Variants in RAP1GAP2 observed in about 807,000 individuals in gnomAD.
The protein encoded by RAP1GAP2 is RAP1 GTPase activating protein 2.
In RAP1GAP2, 27 loss-of-function variants were observed where a neutral mutation model predicts 95.0. That is an observed-to-expected ratio of 0.28 (90% CI 0.21 to 0.39). The LOEUF (loss-of-function observed/expected upper bound fraction) is 0.39, where lower values mean the gene tolerates loss of function less well. Among genes scored for constraint, RAP1GAP2 ranks in the 10% least tolerant of loss-of-function variants. The pLI, the probability that RAP1GAP2 is intolerant of heterozygous loss-of-function variation, is 1.00. For missense variants in RAP1GAP2, 771 were observed against 970.0 expected, an observed-to-expected ratio of 0.79 and a Z score of 2.72; for synonymous variants, 373 against 380.9, an observed-to-expected ratio of 0.98 and a Z score of 0.24.
chr17:2,960,997 C>T (rs2044298906), intron 4 of RAP1GAP2, among the ~76,000 whole-genome samples: 1 of 152,116 alleles, frequency 6.6e-6, no homozygotes, highest in Non-Finnish European at 1.5e-5. Flanking sequence ...GGGTGGATCA[C>T]CTGAGGTTGG....
rs748170515 is a variant in RAP1GAP2, at chr17:2,818,026, CG to C, written c.80+17480del. 1.6e-4 allele frequency among the ~76,000 whole-genome samples: 24 copies of C among 151,616 alleles called. No homozygotes were observed. The South Asian group carries it at 5.0e-3, about 32-fold the overall frequency. ...TAATTTTTTGTATTTTTAACAGAGA[CG>C]GGGTTTCACTGTGTTAGCCAGGATG... On this transcript the variant is annotated intron_variant, in intron 2 of 24. Coordinates refer to ENST00000254695, the MANE Select transcript of RAP1GAP2 (RefSeq NM_015085.5).
chr17:2,896,151 G>C (rs1309232989), intron 2 of RAP1GAP2, among the ~76,000 whole-genome samples: 1 of 152,096 alleles, frequency 6.6e-6, no homozygotes, highest in African/African-American at 2.4e-5. Flanking sequence ...TGTATCTCTT[G>C]TTTCACCCCA....
At position 3,011,419 on chromosome 17, in the gene RAP1GAP2, C is replaced by T. The variant is rs188864451; in HGVS notation, c.1494+3274C>T. Among the ~76,000 whole-genome samples the T allele has an allele frequency of 2.0e-5, 3 of 152,274 alleles. No individual in the cohort carries two copies. In the East Asian group the frequency reaches 5.8e-4, roughly 29 times the overall value. The stretch of plus-strand genomic sequence containing the variant: ...CATGCCTGTGGCCAGGCCTGTGTGT[C>T]TGGCCCAGCTCAGGAAACCATCCCT... On this transcript the variant is annotated intron_variant, in intron 17 of 24. Coordinates refer to ENST00000254695, the MANE Select transcript of RAP1GAP2 (RefSeq NM_015085.5).
chr17:2,973,525 A>C (rs2044963069), intron 8 of RAP1GAP2, among the ~76,000 whole-genome samples: 1 of 152,220 alleles, frequency 6.6e-6, no homozygotes, highest in South Asian at 2.1e-4. Flanking sequence ...TCAACAAACA[A>C]AAGGAAAACA....
intron 14 of RAP1GAP2, among the ~76,000 whole-genome samples, chr17:2,999,322 G>A (rs565844989): frequency 2.4e-4 from 37 of 152,220 alleles, no homozygotes; most frequent in Non-Finnish European, 5.3e-4. Flanking sequence ...ACTGAGGCAG[G>A]CTTTCAAGGC....
chr17:2,771,266 G>A (rs1341722500), intron 2 of RAP1GAP2, among the ~76,000 whole-genome samples: 1 of 151,996 alleles, frequency 6.6e-6, no homozygotes, highest in East Asian at 1.9e-4. Context: ...GGGATCCTGA[G>A]TCTGGGTAGG....
At chr17:2,958,492 T>C (rs2044201287) in intron 4 of RAP1GAP2, among the ~76,000 whole-genome samples, 1 of 152,010 alleles carries the variant, frequency 6.6e-6, no homozygotes, top group Non-Finnish European at 1.5e-5. Flanking sequence ...ATGCTGATAA[T>C]ACACCTGTAG....
chr17:2,957,764 G>C lies in RAP1GAP2; in HGVS notation c.171G>C (p.Ser57=). 6.2e-7 allele frequency: 1 copy of C among 1,607,460 alleles called. No individual in the cohort carries two copies. The highest frequency in any genetic ancestry group is 8.5e-7 in the Non-Finnish European group (1 of 1,176,736). Residue 57 remains serine, a synonymous_variant, in exon 4 of 25, where the codon TCG becomes TCC. Coordinates refer to ENST00000254695, the MANE Select transcript of RAP1GAP2 (RefSeq NM_015085.5). ...PLTAPPTMKS[S]EFFEMLEKMQ... ...CCCCTGCTTTTGTCTTTCAGTCGTCGGAGTTCTTTGAGATGCTGGAGAAAA... is the reference window on the plus strand; with the variant it reads ...CCCCTGCTTTTGTCTTTCAGTCGTCCGAGTTCTTTGAGATGCTGGAGAAAA...
chr17:2,844,267 G>A (rs527728958), intron 2 of RAP1GAP2, among the ~76,000 whole-genome samples: 6 of 152,152 alleles, frequency 3.9e-5, no homozygotes, highest in South Asian at 2.1e-4. Context: ...TGATCTGCCC[G>A]CCTCGGCCTC....
At position 2,981,307 on chromosome 17, in the gene RAP1GAP2, C is replaced by A; in HGVS notation, c.729+59C>A. The A allele has an allele frequency of 4.7e-6, 7 of 1,485,838 alleles. No homozygotes were observed. In the South Asian group the frequency reaches 8.3e-5, roughly 18 times the overall value. The allele number at this position is 1,485,838 out of a possible 1,614,324, so 92.0% of individuals were successfully genotyped here. On this transcript the variant is annotated intron_variant, in intron 10 of 24. Transcript: ENST00000254695. Reference sequence around the variant, plus strand: ...TGCAGCTTGGCAAGGATTTGCAGACCTGTGGCTCTTTGGGGAGTTCTCTGC... The same window carrying A: ...TGCAGCTTGGCAAGGATTTGCAGACATGTGGCTCTTTGGGGAGTTCTCTGC...
intron 3 of RAP1GAP2, among the ~76,000 whole-genome samples, chr17:2,926,775 C>T (rs569669422): frequency 5.3e-5 from 8 of 151,932 alleles, no homozygotes; most frequent in East Asian, 2.0e-4. Context: ...GAGGCCGAGG[C>T]GGGCGGATCA....
At chr17:2,933,476 G>A (rs936016470) in intron 3 of RAP1GAP2, among the ~76,000 whole-genome samples, 2 of 152,184 alleles carry the variant, frequency 1.3e-5, no homozygotes, top group African/African-American at 2.4e-5. Context: ...AGCTTGGAGC[G>A]AAGCAGAGAT....
At chr17:2,926,518 C>T (rs541387797) in intron 3 of RAP1GAP2, among the ~76,000 whole-genome samples, 55 of 152,274 alleles carry the variant, frequency 3.6e-4, no homozygotes, top group Admixed American at 1.6e-3. Context: ...TTCAGAGGCA[C>T]GGTGCCAGAG....
At chr17:2,773,323 T>C (rs577183570), upstream of RAP1GAP2, among the ~76,000 whole-genome samples, 47 of 152,262 alleles carry the variant, frequency 3.1e-4, no homozygotes, top group African/African-American at 1.1e-3. Flanking sequence ...AGGGGAAGCT[T>C]TTTGCTTTTC....
Position 2,801,728 on chromosome 17 carries a change from C to T in RAP1GAP2, c.80+1178C>T, listed in dbSNP as rs566121182. ...TGGCCCTGGGGCTTTCTGAGGCTCC[C>T]ACGCCAGACTCAGGGTGTGGGAATT... On this transcript the variant is annotated intron_variant, in intron 2 of 24. Coordinates refer to ENST00000254695, the MANE Select transcript of RAP1GAP2 (RefSeq NM_015085.5). 8.2e-4 allele frequency among the ~76,000 whole-genome samples: 124 copies of T among 151,560 alleles called. 1 individual carries two copies. Among genetic ancestry groups the T allele is most frequent in the African/African-American group, 2.7e-3 (113 of 41,322 alleles).
intron 17 of RAP1GAP2, among the ~76,000 whole-genome samples, chr17:3,015,990 C>G (rs1331364164): frequency 6.6e-6 from 1 of 152,168 alleles, no homozygotes; most frequent in Non-Finnish European, 1.5e-5. Flanking sequence ...CATCAGCTTT[C>G]TGAAGCTGGA....
intron 2 of RAP1GAP2, among the ~76,000 whole-genome samples, chr17:2,806,376 T>TTTA (rs4060867): frequency 0.24 from 33,835 of 139,748 alleles, 4,265 homozygotes; most frequent in South Asian, 0.32. Flanking sequence ...CTACAACCTT[T>TTTA]TTATTATTAT....
intron 3 of RAP1GAP2, among the ~76,000 whole-genome samples, chr17:2,952,455 T>C (rs886394195): frequency 1.3e-5 from 2 of 152,194 alleles, no homozygotes; most frequent in African/African-American, 4.8e-5. Flanking sequence ...CCGGATATTG[T>C]TCTAGGGTAA....
intron 11 of RAP1GAP2, among the ~76,000 whole-genome samples, chr17:2,990,247 T>C (rs2045705603): frequency 6.6e-6 from 1 of 152,260 alleles, no homozygotes; most frequent in Non-Finnish European, 1.5e-5. Context: ...CTTTGGTGTA[T>C]ACCTGAGAGT....
Sources: allele counts gnomAD v4.1 joint callset (sites outside exome capture counted in the v4.1 genomes callset), GRCh38; gene constraint gnomAD v4.1.1; transcripts MANE v1.5; gene names NCBI Gene and HGNC (gene_info 2026-07-23, HGNC 2026-07-21).